ROBO1: variants seen among roughly 807,000 people sequenced by gnomAD.
The protein encoded by ROBO1 is roundabout homolog 1.
ROBO1 carries 149 observed loss-of-function variants against 195.9 expected under a neutral mutation model. That is an observed-to-expected ratio of 0.76 (90% CI 0.67 to 0.87). The LOEUF (loss-of-function observed/expected upper bound fraction) is 0.87, where lower values mean the gene tolerates loss of function less well. Ranked by LOEUF, ROBO1 falls within the 40% of genes least tolerant of loss-of-function variation. ROBO1 has a pLI of 0.00. For missense variants in ROBO1, 1,933 were observed against 2,068.3 expected, an observed-to-expected ratio of 0.93 and a Z score of 1.27; for synonymous variants, 816 against 733.2, an observed-to-expected ratio of 1.11 and a Z score of -1.82.
chr3:79,400,178 C>T (rs571661430), intron 2 of ROBO1, among the ~76,000 whole-genome samples: 1 of 152,076 alleles, frequency 6.6e-6, no homozygotes, highest in East Asian at 1.9e-4. Context: ...AAATTCAAAG[C>T]TGTTTGCATT....
chr3:79,435,477 C>T (rs181668286), intron 2 of ROBO1, among the ~76,000 whole-genome samples: 1 of 152,214 alleles, frequency 6.6e-6, no homozygotes, highest in East Asian at 1.9e-4. Flanking sequence ...TTGAGCCTAC[C>T]AGAGCGGCAG....
At chr3:79,406,622 A>G (rs2037561411) in intron 2 of ROBO1, among the ~76,000 whole-genome samples, 1 of 151,660 alleles carries the variant, frequency 6.6e-6, no homozygotes. Context: ...GGTAGTGGCT[A>G]CATAAATGAA....
At chr3:79,165,709 G>C (rs573911675) in intron 2 of ROBO1, among the ~76,000 whole-genome samples, 1 of 152,288 alleles carries the variant, frequency 6.6e-6, no homozygotes, top group African/African-American at 2.4e-5. Context: ...GGCACGATGT[G>C]CACCAGACCA....
chr3:79,583,015 C>T (rs2107794390), intron 2 of ROBO1, among the ~76,000 whole-genome samples: 1 of 151,930 alleles, frequency 6.6e-6, no homozygotes, highest in East Asian at 1.9e-4. Flanking sequence ...TCTTTCATGC[C>T]CTCCTCAAGT....
chr3:78,833,649 G>T (rs1371747996), intron 4 of ROBO1, among the ~76,000 whole-genome samples: 2 of 152,080 alleles, frequency 1.3e-5, no homozygotes, highest in Non-Finnish European at 2.9e-5. Flanking sequence ...TGGAATCAAT[G>T]AAGTAACACA....
intron 2 of ROBO1, among the ~76,000 whole-genome samples, chr3:79,386,584 C>G (rs1306280339): frequency 2.6e-5 from 4 of 152,030 alleles, no homozygotes; most frequent in African/African-American, 9.7e-5. Flanking sequence ...TTGCAGTTGA[C>G]AGGGCATTCA....
intron 1 of ROBO1, among the ~76,000 whole-genome samples, chr3:79,680,335 C>T (rs537282605): frequency 1.2e-4 from 18 of 152,028 alleles, no homozygotes; most frequent in East Asian, 3.9e-4. Context: ...CTAGTGACTA[C>T]GAGACAGTCA....
At chr3:79,524,924 TATAA>T in intron 2 of ROBO1, among the ~76,000 whole-genome samples, 2 of 152,076 alleles carry the variant, frequency 1.3e-5, no homozygotes, top group South Asian at 4.1e-4. Context: ...TTTGTATACA[TATAA>T]ATATATACAT....
chr3:79,194,156 A>G (rs1341946742), intron 2 of ROBO1, among the ~76,000 whole-genome samples: 1 of 151,606 alleles, frequency 6.6e-6, no homozygotes, highest in Non-Finnish European at 1.5e-5. Context: ...GTCTCCATGG[A>G]CCTATCCTTC....
intron 3 of ROBO1, among the ~76,000 whole-genome samples, chr3:78,990,128 T>G (rs1180441719): frequency 6.6e-6 from 1 of 152,198 alleles, no homozygotes; most frequent in Non-Finnish European, 1.5e-5. Context: ...TTTAAAATTT[T>G]TCCTAAGAAA....
At chr3:79,021,410 T>C (rs1269434463) in intron 3 of ROBO1, among the ~76,000 whole-genome samples, 3 of 152,170 alleles carry the variant, frequency 2.0e-5, no homozygotes, top group Admixed American at 6.5e-5. Flanking sequence ...GTACGTTAAA[T>C]AAAGATGTCA....
intron 2 of ROBO1, among the ~76,000 whole-genome samples, chr3:79,337,937 TTTC>T (rs2034743868): frequency 6.6e-6 from 1 of 152,184 alleles, no homozygotes; most frequent in African/African-American, 2.4e-5. Context: ...TTATCTTTCA[TTTC>T]TTATTAGTTT....
chr3:79,764,610 T>G (rs770575136), intron 1 of ROBO1, among the ~76,000 whole-genome samples: 1 of 152,246 alleles, frequency 6.6e-6, no homozygotes, highest in Non-Finnish European at 1.5e-5. Context: ...CTCAGCTTTG[T>G]AATGAAAGTA....
At chr3:78,876,233 T>C (rs1559951950) in intron 4 of ROBO1, among the ~76,000 whole-genome samples, 1 of 152,130 alleles carries the variant, frequency 6.6e-6, no homozygotes. Context: ...AAAAGAAAGA[T>C]AAATTTTATA....
At chr3:79,306,507 G>A (rs142508810) in intron 2 of ROBO1, among the ~76,000 whole-genome samples, 262 of 152,190 alleles carry the variant, frequency 1.7e-3, no homozygotes, top group African/African-American at 5.9e-3. Context: ...AATCTTTTCC[G>A]TTTTTTTGTT....
intron 10 of ROBO1, among the ~76,000 whole-genome samples, chr3:78,673,287 T>C (rs1333786904): frequency 6.6e-6 from 1 of 151,358 alleles, no homozygotes; most frequent in Non-Finnish European, 1.5e-5. Context: ...AAGCTTATCC[T>C]ATAACTTGTT....
At chr3:78,722,926 C>A (rs2082077437) in intron 5 of ROBO1, among the ~76,000 whole-genome samples, 2 of 145,100 alleles carry the variant, frequency 1.4e-5, no homozygotes, top group African/African-American at 5.0e-5. Flanking sequence ...TAGAAAAATG[C>A]CTGCACATTA....
At chr3:78,962,957 C>T (rs17016648) in intron 3 of ROBO1, among the ~76,000 whole-genome samples, 23,031 of 151,310 alleles carry the variant, frequency 0.15, 2,648 homozygotes, top group African/African-American at 0.33. Context: ...TTATTTTCTG[C>T]TGGGAAGTAG....
At chr3:79,300,023 C>G (rs2032819981) in intron 2 of ROBO1, among the ~76,000 whole-genome samples, 2 of 152,174 alleles carry the variant, frequency 1.3e-5, no homozygotes, top group African/African-American at 4.8e-5. Flanking sequence ...AAATGCCTTA[C>G]CAAGAATATG....
Sources: gnomAD v4.1 joint callset for allele counts (sites outside exome capture counted in the v4.1 genomes callset) on GRCh38, gnomAD v4.1.1 for gene constraint, MANE v1.5 for transcripts, NCBI Gene and HGNC (gene_info 2026-07-23, HGNC 2026-07-21) for gene names.